TSC22D1: variants seen among roughly 807,000 people sequenced by gnomAD.
TSC22D1 encodes the protein TSC22 domain family protein 1.
A neutral mutation model predicts 74.2 loss-of-function variants in TSC22D1; 9 were observed. That is an observed-to-expected ratio of 0.12 (90% CI 0.07 to 0.21). TSC22D1 has a LOEUF of 0.21. Ranked by LOEUF, TSC22D1 falls within the 10% of genes least tolerant of loss-of-function variation. TSC22D1 has a pLI of 1.00. For missense variants in TSC22D1, 1,427 were observed against 1,304.7 expected (o/e 1.09, Z -1.44); for synonymous variants, 586 against 492.5 (o/e 1.19, Z -2.51).
intron 1 of TSC22D1, among the ~76,000 whole-genome samples, chr13:44,554,705 T>G (rs1882516988): frequency 6.6e-6 from 1 of 150,514 alleles, no homozygotes; most frequent in African/African-American, 2.4e-5. Flanking sequence ...TTAAACTACC[T>G]TAGGTAATTT....
At chr13:44,541,841 G>T (rs1881488365) in intron 1 of TSC22D1, among the ~76,000 whole-genome samples, 1 of 152,112 alleles carries the variant, frequency 6.6e-6, no homozygotes, top group Admixed American at 6.5e-5. Context: ...AGAGGAAAAA[G>T]GCTTAAAATC....
chr13:44,538,150 G>C, intron 1 of TSC22D1: 7 of 985,106 alleles, frequency 7.1e-6, no homozygotes, highest in Non-Finnish European at 7.2e-6. Context: ...CTACTGTTTT[G>C]TGACAGTACC....
In TSC22D1 at chr13:44,534,231, G is replaced by GAAA. The variant is rs375484588; in HGVS notation, c.2912+38929_2912+38931dup. Among the ~76,000 whole-genome samples, 461 of 99,972 alleles carry GAAA rather than the reference G, an allele frequency of 4.6e-3. 6 individuals carry two copies. Among genetic ancestry groups the GAAA allele is most frequent in the African/African-American group, 0.015 (421 of 28,930 alleles). The allele number at this position is 99,972 out of a possible 152,430, so 65.6% of individuals were successfully genotyped here. A position where few individuals can be genotyped will look rare whatever the true frequency, so the allele number is the denominator to read the frequency against. ...ACAGAGTAAGACCCTGTCTCAAGGA[G>GAAA]AAAAAAAAAAAAAAAAGCAGACATG... On this transcript the variant is annotated intron_variant, in intron 1 of 2. Coordinates refer to ENST00000458659, the MANE Select transcript of TSC22D1 (RefSeq NM_183422.4).
intron 1 of TSC22D1, among the ~76,000 whole-genome samples, chr13:44,511,776 T>C (rs906143597): frequency 6.6e-6 from 1 of 152,008 alleles, no homozygotes; most frequent in Non-Finnish European, 1.5e-5. Context: ...AAACAATCTT[T>C]AGAGGAAGTA....
At chr13:44,517,373 C>T (rs1001459936) in intron 1 of TSC22D1, among the ~76,000 whole-genome samples, 15 of 151,390 alleles carry the variant, frequency 9.9e-5, no homozygotes, top group African/African-American at 3.6e-4. Context: ...TGTACTCCTT[C>T]CTCACAAAAA....
intron 1 of TSC22D1, among the ~76,000 whole-genome samples, chr13:44,505,121 T>C (rs763400855): frequency 2.6e-5 from 4 of 152,306 alleles, no homozygotes; most frequent in South Asian, 4.1e-4. Context: ...CATCCTTGTA[T>C]GATTTGGTCA....
intron 1 of TSC22D1, among the ~76,000 whole-genome samples, chr13:44,546,162 A>G (rs1398222687): frequency 6.6e-6 from 1 of 152,182 alleles, no homozygotes; most frequent in Non-Finnish European, 1.5e-5. Flanking sequence ...GATGTTAAAT[A>G]ATTAAATGTA....
At chr13:44,526,561 GAA>G (rs1315957500) in intron 1 of TSC22D1, among the ~76,000 whole-genome samples, 1 of 152,062 alleles carries the variant, frequency 6.6e-6, no homozygotes, top group Non-Finnish European at 1.5e-5. Context: ...ATCCAAGACA[GAA>G]AAGAAAGAGA....
Position 44,574,269 on chromosome 13 carries a change from T to A in TSC22D1, c.1806A>T (p.Gln602His). ...GQQPSISSLA[Q>H]PQLPYSQAAP... ...CCGCCTGAGAATATGGTAGCTGGGG[T>A]TGAGCCAAACTGGAAATGGAAGGCT... Residue 602 changes from glutamine (Q) to histidine (H), a missense_variant, in exon 1 of 3, where the codon CAA becomes CAT. Gln to His is a conservative substitution (Grantham distance 24). Around this residue, in one of 3 missense-constraint regions of TSC22D1, gnomAD observed 1,343 missense variants for 1,191.5 expected, o/e 1.13. Coordinates refer to ENST00000458659, the MANE Select transcript of TSC22D1 (RefSeq NM_183422.4). 6.2e-7 allele frequency: 1 copy of A among 1,614,146 alleles called. No individual in the cohort carries two copies. The highest frequency in any genetic ancestry group is 8.5e-7 in the Non-Finnish European group (1 of 1,180,024).
chr13:44,488,941 T>C (rs758702434), intron 1 of TSC22D1, among the ~76,000 whole-genome samples: 4 of 152,080 alleles, frequency 2.6e-5, no homozygotes, highest in Non-Finnish European at 5.9e-5. Flanking sequence ...TGAGGAACCA[T>C]AAAATTTGTA....
intron 1 of TSC22D1, among the ~76,000 whole-genome samples, chr13:44,450,447 G>T (rs1308528147): frequency 6.6e-6 from 1 of 152,204 alleles, no homozygotes; most frequent in Non-Finnish European, 1.5e-5. Flanking sequence ...TTGTGTTTTG[G>T]CAAGGTCACT....
At chr13:44,553,127 A>C (rs1882400373) in intron 1 of TSC22D1, among the ~76,000 whole-genome samples, 1 of 152,354 alleles carries the variant, frequency 6.6e-6, no homozygotes, top group African/African-American at 2.4e-5. Context: ...GACATTTCTC[A>C]TATATAAAAT....
At chr13:44,455,736 A>T (rs943118615) in intron 1 of TSC22D1, among the ~76,000 whole-genome samples, 1 of 152,212 alleles carries the variant, frequency 6.6e-6, no homozygotes, top group Non-Finnish European at 1.5e-5. Context: ...AATCTATTAC[A>T]GAGCCTTTTA....
chr13:44,536,012 T>C (rs886194578), intron 1 of TSC22D1, among the ~76,000 whole-genome samples: 1 of 151,954 alleles, frequency 6.6e-6, no homozygotes, highest in Non-Finnish European at 1.5e-5. Context: ...ATATACTGTG[T>C]CTGTAAACCT....
intron 1 of TSC22D1, among the ~76,000 whole-genome samples, chr13:44,466,861 T>G (rs548187287): frequency 6.6e-6 from 1 of 151,898 alleles, no homozygotes; most frequent in East Asian, 1.9e-4. Context: ...AAATAATAAA[T>G]TAGCAACAAT....
intron 1 of TSC22D1, among the ~76,000 whole-genome samples, chr13:44,453,332 G>T (rs1385975221): frequency 6.6e-6 from 1 of 152,154 alleles, no homozygotes; most frequent in Admixed American, 6.5e-5. Context: ...TTAGTGCACT[G>T]AAGTCAATTT....
intron 1 of TSC22D1, among the ~76,000 whole-genome samples, chr13:44,556,135 T>G (rs1211029454): frequency 3.3e-5 from 5 of 151,558 alleles, no homozygotes; most frequent in African/African-American, 1.2e-4. Context: ...TAACTATAAT[T>G]CAAAAAAATT....
At chr13:44,435,648 C>T (rs2138845820) in intron 2 of TSC22D1, 1 of 264,226 alleles carries the variant, frequency 3.8e-6, no homozygotes, top group Non-Finnish European at 7.4e-6. Context: ...AGGATCCCGA[C>T]TTCTGGGGCC....
chr13:44,468,860 A>G (rs1435425293), intron 1 of TSC22D1, among the ~76,000 whole-genome samples: 3 of 150,172 alleles, frequency 2.0e-5, no homozygotes, highest in African/African-American at 4.8e-5. Context: ...TAACAAAAAT[A>G]GAAATTTTAT....
Sources: gnomAD v4.1 joint callset for allele counts (sites outside exome capture counted in the v4.1 genomes callset) on GRCh38, gnomAD v4.1.1 for gene constraint, gnomAD v4.1.1 regional missense constraint, MANE v1.5 for transcripts, NCBI Gene and HGNC (gene_info 2026-07-23, HGNC 2026-07-21) for gene names.